The following CHIC2 variants were observed in gnomAD, a reference collection of about 807,000 sequenced individuals.
CHIC2 encodes the protein cysteine rich hydrophobic domain 2.
Under a neutral mutation model 25.9 loss-of-function variants are expected in CHIC2, and 14 were observed. The observed-to-expected ratio is 0.54, with a 90% confidence interval of 0.36 to 0.85. The LOEUF (loss-of-function observed/expected upper bound fraction) is 0.85. Ranked by LOEUF, CHIC2 falls within the 40% of genes least tolerant of loss-of-function variation. The pLI is 0.01. For missense variants in CHIC2, 146 were observed against 202.0 expected, an observed-to-expected ratio of 0.72 and a Z score of 1.68; for synonymous variants, 70 against 72.0, an observed-to-expected ratio of 0.97 and a Z score of 0.14.
At chr4:54,022,962 T>C (rs1424830676) in intron 3 of CHIC2, among the ~76,000 whole-genome samples, 2 of 152,176 alleles carry the variant, frequency 1.3e-5, no homozygotes, top group East Asian at 3.9e-4. Context: ...GCAACCAAAT[T>C]GTCTTGCCTA....
chr4:54,019,194 AATT>A (rs1715825863), intron 3 of CHIC2, among the ~76,000 whole-genome samples: 1 of 152,032 alleles, frequency 6.6e-6, no homozygotes, highest in African/African-American at 2.4e-5. Flanking sequence ...AAAATTAAAT[AATT>A]ATATCACAGT....
At chr4:54,088,190 C>CT in the CHIC2 span, among the ~76,000 whole-genome samples, 13 of 151,932 alleles carry the variant, frequency 8.6e-5, no homozygotes, top group African/African-American at 2.9e-4. Flanking sequence ...CATTTGTTCT[C>CT]TTTTTTTTAA....
chr4:54,014,051 T>G lies in CHIC2; in HGVS notation c.387+12A>C. 1 of 1,612,934 alleles carries G rather than the reference T, an allele frequency of 6.2e-7. No individual in the cohort carries two copies. The highest frequency in any genetic ancestry group is 8.5e-7 in the Non-Finnish European group (1 of 1,179,178). On this transcript the variant is annotated intron_variant, in intron 4 of 5. Transcript: ENST00000263921. Reference sequence around the variant, plus strand: ...ACCCCAACAGTACGAAGCTGCTCCCTGTGGTACTCACCTTGTGGTATAACC... The same window carrying G: ...ACCCCAACAGTACGAAGCTGCTCCCGGTGGTACTCACCTTGTGGTATAACC...
chr4:54,019,197 T>C (rs1349694813), intron 3 of CHIC2, among the ~76,000 whole-genome samples: 3 of 151,928 alleles, frequency 2.0e-5, no homozygotes, highest in African/African-American at 7.2e-5. Context: ...ATTAAATAAT[T>C]ATATCACAGT....
chr4:54,054,067 C>T (rs541774911), intron 1 of CHIC2, among the ~76,000 whole-genome samples: 5 of 152,280 alleles, frequency 3.3e-5, no homozygotes, highest in Admixed American at 2.0e-4. Flanking sequence ...GGATTACAGG[C>T]GTGAGCCACT....
intron 3 of CHIC2, among the ~76,000 whole-genome samples, chr4:54,018,799 C>T (rs551705882): frequency 1.3e-5 from 2 of 151,934 alleles, no homozygotes; most frequent in South Asian, 4.1e-4. Context: ...CCTATTTAAA[C>T]CTATAATTAA....
chr4:54,080,348 A>G, the CHIC2 span, among the ~76,000 whole-genome samples: 2 of 152,206 alleles, frequency 1.3e-5, no homozygotes, highest in African/African-American at 4.8e-5. Flanking sequence ...AATTGAACTC[A>G]CAGAGGCAGA....
At chr4:54,041,749 G>T (rs923006738) in intron 3 of CHIC2, among the ~76,000 whole-genome samples, 3 of 151,946 alleles carry the variant, frequency 2.0e-5, no homozygotes. Flanking sequence ...TATATGTAAA[G>T]CATCTAAGAA....
chr4:54,084,959 C>CAAAAAAAAAAAAAAAAAAA, the CHIC2 span, among the ~76,000 whole-genome samples: 104 of 58,890 alleles, frequency 1.8e-3, 1 homozygote, highest in Non-Finnish European at 2.3e-3. Context: ...TGCTCTGTCT[C>CAAAAAAAAAAAAAAAAAAA]AAAAAAAAAA....
intron 1 of CHIC2, among the ~76,000 whole-genome samples, chr4:54,062,263 G>C (rs533399897): frequency 6.6e-6 from 1 of 152,064 alleles, no homozygotes; most frequent in Non-Finnish European, 1.5e-5. Context: ...ATTGATGATA[G>C]ATAGTCCCTC....
At chr4:54,014,168 C>CT (rs1312100192) in intron 3 of CHIC2, 49 bp from the exon 4 acceptor site, 3 of 1,562,936 alleles carry the variant, frequency 1.9e-6, no homozygotes, top group Non-Finnish European at 2.6e-6. Context: ...TTTTAGAAAA[C>CT]TTTGTTTTGC....
At chr4:54,087,522 A>T in the CHIC2 span, 7 of 1,171,658 alleles carry the variant, frequency 6.0e-6, no homozygotes, top group Admixed American at 1.8e-4. Context: ...CTGCTCTACA[A>T]ATTTGAGAGG....
intron 3 of CHIC2, among the ~76,000 whole-genome samples, chr4:54,043,514 A>C (rs1199898861): frequency 4.6e-5 from 7 of 152,178 alleles, no homozygotes; most frequent in Non-Finnish European, 1.0e-4. Flanking sequence ...TTCTTAAAGA[A>C]AAGAATTTTC....
intron 3 of CHIC2, among the ~76,000 whole-genome samples, chr4:54,023,320 G>A (rs1715961080): frequency 6.6e-6 from 1 of 152,116 alleles, no homozygotes; most frequent in Non-Finnish European, 1.5e-5. Context: ...AATACTTTTA[G>A]AGGCCCTAAA....
intron 1 of CHIC2, among the ~76,000 whole-genome samples, chr4:54,054,789 C>G (rs932570836): frequency 6.6e-6 from 1 of 152,190 alleles, no homozygotes; most frequent in Non-Finnish European, 1.5e-5. Flanking sequence ...CTTGAGGTAT[C>G]TGAACATAAG....
intron 5 of CHIC2, among the ~76,000 whole-genome samples, chr4:54,012,511 G>C (rs1297518941): frequency 6.6e-6 from 1 of 152,050 alleles, no homozygotes; most frequent in Admixed American, 6.6e-5. Flanking sequence ...AGTAAATTTA[G>C]AAATGCATGA....
chr4:54,045,799 G>A (rs891916034), intron 3 of CHIC2, among the ~76,000 whole-genome samples: 1 of 152,014 alleles, frequency 6.6e-6, no homozygotes, highest in African/African-American at 2.4e-5. Context: ...GTTCTGGCCA[G>A]GGCAATCAGG....
At chr4:54,024,001 G>A (rs548456405) in intron 3 of CHIC2, among the ~76,000 whole-genome samples, 16 of 152,282 alleles carry the variant, frequency 1.1e-4, no homozygotes, top group African/African-American at 3.6e-4. Flanking sequence ...AGATCTCATC[G>A]TTCAGGGCAA....
intron 1 of CHIC2, among the ~76,000 whole-genome samples, chr4:54,055,879 CTATT>C (rs1717160501): frequency 6.6e-6 from 1 of 152,124 alleles, no homozygotes; most frequent in African/African-American, 2.4e-5. Context: ...AAAGTATACT[CTATT>C]TATACAAAAG....
Sources: gnomAD v4.1 joint callset for allele counts (sites outside exome capture counted in the v4.1 genomes callset) on GRCh38, gnomAD v4.1.1 for gene constraint, MANE v1.5 for transcripts, NCBI Gene and HGNC (gene_info 2026-07-23, HGNC 2026-07-21) for gene names.